CHL1: variants seen among roughly 807,000 people sequenced by gnomAD.
CHL1 encodes neural cell adhesion molecule L1-like protein.
CHL1 carries 96 observed loss-of-function variants against 141.9 expected under a neutral mutation model. The observed-to-expected ratio is 0.68, with a 90% CI of 0.57 to 0.80. The LOEUF (loss-of-function observed/expected upper bound fraction) is 0.80. Ranked by LOEUF, CHL1 falls within the 30% of genes least tolerant of loss-of-function variation. CHL1 has a pLI of 0.00. For synonymous variants in CHL1, 613 were observed against 502.2 expected (o/e 1.22, Z -2.95); for missense variants, 1,820 against 1,457.2 (o/e 1.25, Z -4.05).
intron 2 of CHL1, among the ~76,000 whole-genome samples, chr3:254,558 G>A (rs1196905325): frequency 6.6e-6 from 1 of 152,152 alleles, no homozygotes; most frequent in African/African-American, 2.4e-5. Flanking sequence ...AGACTATGCA[G>A]GGCCTTATAA....
chr3:216,117 T>C (rs1198611774), intron 1 of CHL1, among the ~76,000 whole-genome samples: 1 of 152,104 alleles, frequency 6.6e-6, no homozygotes, highest in Non-Finnish European at 1.5e-5. Flanking sequence ...CAAAAATTGA[T>C]GTGTAAAAAA....
At chr3:216,528 A>G (rs959961372) in intron 1 of CHL1, among the ~76,000 whole-genome samples, 3 of 152,222 alleles carry the variant, frequency 2.0e-5, no homozygotes, top group Non-Finnish European at 2.9e-5. Flanking sequence ...AGTCAACTCT[A>G]CACCAACCCT....
At position 366,039 on chromosome 3, in the gene CHL1, C is replaced by A; in HGVS notation, c.1675C>A (p.His559Asn). Residue 559 changes from histidine (H) to asparagine (N), a missense_variant, in exon 15 of 28, where the codon CAT becomes AAT. Coordinates refer to ENST00000256509, the MANE Select transcript of CHL1 (RefSeq NM_006614.4). ...ELHCESKCDS[H>N]LKHSLKLSWS... Reference sequence around the variant, plus strand: ...ACATTGTGAAAGCAAATGTGACTCACATTTGAAACACAGTTTGAAGTTGTC... The same window carrying A: ...ACATTGTGAAAGCAAATGTGACTCAAATTTGAAACACAGTTTGAAGTTGTC... 1 of 1,613,672 alleles carries A rather than the reference C, an allele frequency of 6.2e-7. No individual in the cohort carries two copies. Among genetic ancestry groups the A allele is most frequent in the Non-Finnish European group, 8.5e-7 (1 of 1,179,664 alleles).
chr3:340,554 C>T (rs1473378416), intron 5 of CHL1, among the ~76,000 whole-genome samples: 1 of 152,054 alleles, frequency 6.6e-6, no homozygotes, highest in Non-Finnish European at 1.5e-5. Context: ...ATTGTTGTCG[C>T]ATAACAAAAA....
At chr3:322,751 G>T (rs1700700935) in intron 3 of CHL1, among the ~76,000 whole-genome samples, 1 of 149,274 alleles carries the variant, frequency 6.7e-6, no homozygotes, top group Non-Finnish European at 1.5e-5. Context: ...GGCTGAGGCA[G>T]TAGGATCATT....
intron 2 of CHL1, among the ~76,000 whole-genome samples, chr3:292,839 C>A (rs943446923): frequency 1.3e-5 from 2 of 152,142 alleles, no homozygotes; most frequent in Admixed American, 1.3e-4. Flanking sequence ...AGAGAACTCA[C>A]TATCATGGAC....
At chr3:198,448 T>C (rs1461495049) in intron 1 of CHL1, among the ~76,000 whole-genome samples, 5 of 152,118 alleles carry the variant, frequency 3.3e-5, no homozygotes, top group Admixed American at 2.6e-4. Context: ...AGGCGGAGGC[T>C]CCCGGGACGC....
rs71619441 is a variant in CHL1, at chr3:242,697, C to CAGAG, written c.-174-1904_-174-1901dup. ...ATGCACACAAACACACACACACACA[C>CAGAG]AGAGAGAGAGAGAGATTAGATTAGT... On this transcript the variant is annotated intron_variant, in intron 1 of 27. Coordinates refer to ENST00000256509, the MANE Select transcript of CHL1 (RefSeq NM_006614.4). Among the ~76,000 whole-genome samples, 22 of 149,162 alleles carry CAGAG rather than the reference C, an allele frequency of 1.5e-4. No individual in the cohort carries two copies. In the South Asian group the frequency reaches 1.5e-3, roughly 10 times the overall value.
At position 399,087 on chromosome 3, in the gene CHL1, T is replaced by C; in HGVS notation, c.3324T>C (p.Leu1108=). Residue 1108 remains leucine (L), a synonymous_variant, in exon 26 of 28, where the codon CTT becomes CTC. Transcript: ENST00000256509. ...TTGGACTGATGTGTGCGATTGCTCTTCTCACACTACTATTATTAACTGTTT... is the reference window on the plus strand; with the variant it reads ...TTGGACTGATGTGTGCGATTGCTCTCCTCACACTACTATTATTAACTGTTT... ...WFIGLMCAIA[L]LTLLLLTVCF... is the part of the protein sequence containing the mutation. The C allele has an allele frequency of 6.2e-7, 1 of 1,608,050 alleles. No individual in the cohort carries two copies. The highest frequency in any genetic ancestry group is 8.5e-7 in the Non-Finnish European group (1 of 1,174,442).
At chr3:266,390 G>T (rs552831707) in intron 2 of CHL1, among the ~76,000 whole-genome samples, 3 of 152,172 alleles carry the variant, frequency 2.0e-5, no homozygotes, top group African/African-American at 7.2e-5. Context: ...AAGCAACCTG[G>T]TTAGAAGGGG....
chr3:209,075 A>G (rs9809528), intron 1 of CHL1, among the ~76,000 whole-genome samples: 53,787 of 152,164 alleles, frequency 0.35, 11,388 homozygotes, highest in East Asian at 0.53. Context: ...CAGGTATTCA[A>G]ATGCTAGGCC....
chr3:361,556 G>C (rs1165182972), intron 12 of CHL1, 143 bp from the exon 13 acceptor site: 1 of 568,278 alleles, frequency 1.8e-6, no homozygotes, highest in African/African-American at 1.9e-5. Context: ...TATTGAATTG[G>C]GATACTTCTA....
intron 5 of CHL1, among the ~76,000 whole-genome samples, chr3:337,423 T>A (rs532856827): frequency 6.6e-6 from 1 of 152,178 alleles, no homozygotes; most frequent in South Asian, 2.1e-4. Context: ...ATGTGCAGGT[T>A]AGTTACATAT....
chr3:343,245 ATACT>A (rs1475689667), intron 8 of CHL1, among the ~76,000 whole-genome samples: 32 of 152,184 alleles, frequency 2.1e-4, no homozygotes, highest in South Asian at 4.1e-4. Flanking sequence ...ATATAATGAA[ATACT>A]TATATATAAT....
intron 1 of CHL1, among the ~76,000 whole-genome samples, chr3:230,266 G>T (rs991220042): frequency 1.3e-5 from 2 of 152,158 alleles, no homozygotes; most frequent in Non-Finnish European, 2.9e-5. Flanking sequence ...GATGAAGGAA[G>T]TGGTGACTCT....
At chr3:388,672 TG>T (rs1468176217) in intron 19 of CHL1, among the ~76,000 whole-genome samples, 1 of 150,386 alleles carries the variant, frequency 6.6e-6, no homozygotes, top group Admixed American at 6.7e-5. Flanking sequence ...GTCAAGGAGC[TG>T]GGAAATTATA....
At chr3:276,000 A>C (rs1422224069) in intron 2 of CHL1, among the ~76,000 whole-genome samples, 1 of 152,014 alleles carries the variant, frequency 6.6e-6, no homozygotes, top group East Asian at 1.9e-4. Flanking sequence ...AATGTTTAAG[A>C]AGGTAATTTT....
chr3:202,285 G>T (rs1278863314), intron 1 of CHL1, among the ~76,000 whole-genome samples: 1 of 152,146 alleles, frequency 6.6e-6, no homozygotes, highest in East Asian at 1.9e-4. Flanking sequence ...TGTTCAGTAT[G>T]TGAATGAACA....
intron 15 of CHL1, among the ~76,000 whole-genome samples, chr3:371,687 T>A (rs1262118182): frequency 6.6e-6 from 1 of 152,206 alleles, no homozygotes; most frequent in Non-Finnish European, 1.5e-5. Context: ...GTTGGTGAAG[T>A]TTCTTCATCA....
Sources: allele counts gnomAD v4.1 joint callset (sites outside exome capture counted in the v4.1 genomes callset), GRCh38; gene constraint gnomAD v4.1.1; transcripts MANE v1.5; gene names NCBI Gene and HGNC (gene_info 2026-07-23, HGNC 2026-07-21).